The following FBLN1 variants were observed in gnomAD, a reference collection of about 807,000 sequenced individuals.
FBLN1 encodes the protein fibulin 1.
Under a neutral mutation model 89.7 loss-of-function variants are expected in FBLN1, and 34 were observed. The observed-to-expected ratio is 0.38, with a 90% CI of 0.29 to 0.50. The LOEUF is 0.50. FBLN1 is among the 20% of genes least tolerant of loss of function. The probability of loss-of-function intolerance (pLI) is 0.92; values close to 1 mark genes in which losing one functional copy is unlikely to be tolerated. For missense variants in FBLN1, 777 were observed against 988.1 expected (o/e 0.79, Z 2.86); for synonymous variants, 393 against 391.3 (o/e 1.00, Z -0.05).
chr22:45,566,196 A>G (rs868396505), intron 14 of FBLN1, among the ~76,000 whole-genome samples: 4 of 152,200 alleles, frequency 2.6e-5, no homozygotes, highest in Middle Eastern at 3.2e-3. Context: ...TCATGTGCAT[A>G]GCAATGTGAA....
intron 1 of FBLN1, among the ~76,000 whole-genome samples, chr22:45,510,857 C>G (rs1329824406): frequency 1.3e-5 from 2 of 152,178 alleles, no homozygotes; most frequent in Non-Finnish European, 2.9e-5. Flanking sequence ...TTAGTTTTAG[C>G]AGCTGTCCCA....
chr22:45,520,060 C>T (rs2088228536), intron 2 of FBLN1, among the ~76,000 whole-genome samples: 1 of 152,146 alleles, frequency 6.6e-6, no homozygotes, highest in East Asian at 1.9e-4. Flanking sequence ...ATCCCAGCTA[C>T]TCGGGAGGCT....
Position 45,545,907 on chromosome 22 carries a change from G to C in FBLN1, c.1322-1178G>C, listed in dbSNP as rs1191723111. Among the ~76,000 whole-genome samples, 1 of 152,120 alleles carries C rather than the reference G, an allele frequency of 6.6e-6. No individual in the cohort carries two copies. The highest frequency in any genetic ancestry group is 2.4e-5 in the African/African-American group (1 of 41,410). ...TCACACCTGTAATCCCAGCACTTTG[G>C]GAGGCTGAGGCAGGTGGATTACTTG... On this transcript the variant is annotated intron_variant, in intron 11 of 16. Coordinates refer to ENST00000327858, the MANE Select transcript of FBLN1 (RefSeq NM_006486.3). This position sits in a 1 kb window ranked among gnomAD's most constrained non-coding sequence, Gnocchi z 5.9.
chr22:45,526,568 A>G (rs1446623947), intron 3 of FBLN1, among the ~76,000 whole-genome samples: 2 of 152,026 alleles, frequency 1.3e-5, no homozygotes, highest in Non-Finnish European at 2.9e-5. Context: ...TAGGAAGGTG[A>G]TGGAATAATT....
In FBLN1 at chr22:45,579,172, A is replaced by G. The variant is rs1406222124; in HGVS notation, c.1972+2064A>G. On this transcript the variant is annotated intron_variant, in intron 16 of 16. Transcript: ENST00000327858. The surrounding 1 kb of genome is among the most constrained non-coding windows in gnomAD (Gnocchi z 5.5). Reference sequence around the variant, plus strand: ...GCCTTTCTCTGGCTGCATCTGCTCCAGACAGAACCAACCTGGGAGTGTCTG... The same window carrying G: ...GCCTTTCTCTGGCTGCATCTGCTCCGGACAGAACCAACCTGGGAGTGTCTG... 2.0e-5 allele frequency among the ~76,000 whole-genome samples: 3 copies of G among 152,240 alleles called. No homozygotes were observed. The highest frequency in any genetic ancestry group is 4.4e-5 in the Non-Finnish European group (3 of 68,038).
In FBLN1 at chr22:45,533,787, C is replaced by T; in HGVS notation, c.673C>T (p.His225Tyr). ...EDVNECITGS[H>Y]SCRLGESCIN... ...TGTCAATGAATGCATCACGGGCAGC[C>T]ACAGCTGCCGGCTTGGAGAATCCTG... Residue 225 changes from histidine to tyrosine, a missense_variant, in exon 7 of 17, where the codon CAC (histidine) becomes TAC (tyrosine). Physicochemically the swap from His to Tyr is moderately conservative, Grantham distance 83 (BLOSUM62 2). Transcript: ENST00000327858. 6.2e-7 allele frequency: 1 copy of T among 1,613,184 alleles called. No individual in the cohort carries two copies. Among genetic ancestry groups the T allele is most frequent in the Non-Finnish European group, 8.5e-7 (1 of 1,179,966 alleles).
chr22:45,548,123 A>G (rs972385562), intron 12 of FBLN1, among the ~76,000 whole-genome samples: 4 of 152,336 alleles, frequency 2.6e-5, no homozygotes, highest in Admixed American at 2.6e-4. Context: ...AACACGGCTC[A>G]CTGCAGCCTC....
intron 16 of FBLN1, among the ~76,000 whole-genome samples, chr22:45,598,613 T>G (rs2089205844): frequency 6.6e-6 from 1 of 152,170 alleles, no homozygotes; most frequent in Non-Finnish European, 1.5e-5. Flanking sequence ...CGCTGGACAA[T>G]GCACACCCTC....
intron 4 of FBLN1, among the ~76,000 whole-genome samples, chr22:45,529,028 C>T (rs1294504396): frequency 2.0e-5 from 3 of 152,218 alleles, no homozygotes; most frequent in Non-Finnish European, 4.4e-5. Context: ...GGTAGAGCAC[C>T]TGGCCCCATA....
chr22:45,514,901 T>G (rs1415457995), intron 1 of FBLN1, among the ~76,000 whole-genome samples: 1 of 152,114 alleles, frequency 6.6e-6, no homozygotes, highest in African/African-American at 2.4e-5. Flanking sequence ...GTGAGAGCAG[T>G]GGGCAGGAGG....
At chr22:45,568,246 A>G (rs2088914812) in intron 14 of FBLN1, among the ~76,000 whole-genome samples, 1 of 152,256 alleles carries the variant, frequency 6.6e-6, no homozygotes, top group Admixed American at 6.5e-5. Flanking sequence ...TCAAGGTCAA[A>G]TTCCATGGAT....
chr22:45,597,098 G>A lies in FBLN1; in HGVS notation c.1973-3209G>A, dbSNP rs954528910. 6.6e-6 allele frequency among the ~76,000 whole-genome samples: 1 copy of A among 151,470 alleles called. No individual in the cohort carries two copies. Among genetic ancestry groups the A allele is most frequent in the Non-Finnish European group, 1.5e-5 (1 of 67,882 alleles). On this transcript the variant is annotated intron_variant, in intron 16 of 16. Coordinates refer to ENST00000327858, the MANE Select transcript of FBLN1 (RefSeq NM_006486.3). This position sits in a 1 kb window ranked among gnomAD's most constrained non-coding sequence, Gnocchi z 4.2. ...CTCATTGCAACCTTGACCTTCCCGG[G>A]CTCAAACAATTCTGCCACCTCAGCC...
chr22:45,556,620 T>G lies in FBLN1; in HGVS notation c.1697+6005T>G, dbSNP rs1337638844. Among the ~76,000 whole-genome samples, 2 of 152,160 alleles carry G rather than the reference T, an allele frequency of 1.3e-5. No individual in the cohort carries two copies. The highest frequency in any genetic ancestry group is 2.4e-5 in the African/African-American group (1 of 41,432). ...CCTGTATTCCATGCATACTCTAACT[T>G]ATCTTCATTTTGGAGTAGTAGACTG... On this transcript the variant is annotated intron_variant, in intron 14 of 16. Transcript: ENST00000327858. This position sits in a 1 kb window ranked among gnomAD's most constrained non-coding sequence, Gnocchi z 4.6.
At chr22:45,555,572 A>G (rs2088778430) in intron 14 of FBLN1, among the ~76,000 whole-genome samples, 1 of 152,164 alleles carries the variant, frequency 6.6e-6, no homozygotes, top group African/African-American at 2.4e-5. Context: ...GTGCCCACCC[A>G]GATTAAGGAT....
At position 45,562,676 on chromosome 22, in the gene FBLN1, C is replaced by T. The variant is rs2088861840; in HGVS notation, c.1698-11835C>T. 6.6e-6 allele frequency among the ~76,000 whole-genome samples: 1 copy of T among 152,210 alleles called. No homozygotes were observed. On this transcript the variant is annotated intron_variant, in intron 14 of 16. Coordinates refer to ENST00000327858, the MANE Select transcript of FBLN1 (RefSeq NM_006486.3). This position sits in a 1 kb window ranked among gnomAD's most constrained non-coding sequence, Gnocchi z 7.8. Reference sequence around the variant, plus strand: ...CTCACTCCGGGCACAGCCTTTGGCCCCCGGCCACCCAGCGCCCGAGATGGT... The same window carrying T: ...CTCACTCCGGGCACAGCCTTTGGCCTCCGGCCACCCAGCGCCCGAGATGGT...
At chr22:45,540,529 C>G (rs2088541870) in intron 8 of FBLN1, among the ~76,000 whole-genome samples, 1 of 152,174 alleles carries the variant, frequency 6.6e-6, no homozygotes, top group South Asian at 2.1e-4. Flanking sequence ...TTGTAAGTGT[C>G]TGAGCAAGGT....
chr22:45,558,347 A>G (rs1008095491), intron 14 of FBLN1: 2 of 295,198 alleles, frequency 6.8e-6, no homozygotes, highest in African/African-American at 4.4e-5. Context: ...AGAGTCAAAC[A>G]TTCAGTTTCC....
intron 1 of FBLN1, among the ~76,000 whole-genome samples, chr22:45,504,630 G>T (rs1347361834): frequency 6.6e-6 from 1 of 152,104 alleles, no homozygotes; most frequent in African/African-American, 2.4e-5. Flanking sequence ...GAGAGAAGGC[G>T]TGGTAAAACT....
intron 16 of FBLN1, among the ~76,000 whole-genome samples, chr22:45,589,957 C>G (rs971247678): frequency 6.6e-6 from 1 of 152,168 alleles, no homozygotes. Context: ...TGTATTTCTC[C>G]GAAGCTCTCC....
Sources: gnomAD v4.1 joint callset for allele counts (sites outside exome capture counted in the v4.1 genomes callset) on GRCh38, gnomAD v4.1.1 for gene constraint, Gnocchi (gnomAD v3.1) non-coding constraint, MANE v1.5 for transcripts, NCBI Gene and HGNC (gene_info 2026-07-23, HGNC 2026-07-21) for gene names.